The following FSTL5 variants were observed in gnomAD, a reference collection of about 807,000 sequenced individuals.
FSTL5 encodes follistatin like 5, also known as follistatin-related protein 5.
In FSTL5, 62 loss-of-function variants were observed where a neutral mutation model predicts 89.1. The observed-to-expected ratio is 0.70, with a 90% confidence interval of 0.57 to 0.86. The LOEUF (loss-of-function observed/expected upper bound fraction) is 0.86, where lower values mean the gene tolerates loss of function less well. Among genes scored for constraint, FSTL5 ranks in the 40% least tolerant of loss-of-function variants. The pLI is 0.00. For missense variants in FSTL5, 1,057 were observed against 1,001.6 expected (o/e 1.06, Z -0.75); for synonymous variants, 383 against 346.2 (o/e 1.11, Z -1.18).
At chr4:161,805,509 T>C (rs1729937632) in intron 4 of FSTL5, among the ~76,000 whole-genome samples, 1 of 152,026 alleles carries the variant, frequency 6.6e-6, no homozygotes. Context: ...GGTAACTGCA[T>C]TGATATAGAG....
chr4:161,778,352 T>C (rs1741496493), intron 4 of FSTL5, among the ~76,000 whole-genome samples: 1 of 152,194 alleles, frequency 6.6e-6, no homozygotes, highest in African/African-American at 2.4e-5. Flanking sequence ...TTATAACATA[T>C]TTTTAGGAAA....
At chr4:161,491,605 CTG>C (rs749280153) in intron 12 of FSTL5, among the ~76,000 whole-genome samples, 2 of 152,030 alleles carry the variant, frequency 1.3e-5, no homozygotes, top group East Asian at 3.9e-4. Context: ...CTTTGGGAAA[CTG>C]TGGTGGGCAA....
chr4:161,843,300 G>A (rs1402565649), intron 4 of FSTL5, among the ~76,000 whole-genome samples: 1 of 152,136 alleles, frequency 6.6e-6, no homozygotes, highest in African/African-American at 2.4e-5. Flanking sequence ...ATTATTTGAA[G>A]AAAGTCAATG....
intron 6 of FSTL5, among the ~76,000 whole-genome samples, chr4:161,757,092 T>C (rs1740595879): frequency 6.6e-6 from 1 of 152,156 alleles, no homozygotes; most frequent in Non-Finnish European, 1.5e-5. Flanking sequence ...ATAATGCAGT[T>C]GGGCCAGGTT....
At position 162,033,635 on chromosome 4, in the gene FSTL5, T is replaced by C; in HGVS notation, c.150A>G (p.Ser50=). 6.7e-7 allele frequency: 1 copy of C among 1,491,584 alleles called. No individual in the cohort carries two copies. The highest frequency in any genetic ancestry group is 9.2e-7 in the Non-Finnish European group (1 of 1,087,352). The allele number at this position is 1,491,584 out of a possible 1,614,324, so 92.4% of individuals were successfully genotyped here. The change falls in exon 3 of 16, where the codon TCA becomes TCG. Residue 50 remains serine (S), a synonymous_variant. Transcript: ENST00000306100. ...GCAATCATTTCTTACCTTTGACTCT[T>C]GAACTTTCTTGATTTTTTTCCTGCT... The part of the protein sequence containing the change: ...RHKQEKNQES[S]RVKGFMIQDG...
At chr4:161,766,236 G>A in intron 5 of FSTL5, among the ~76,000 whole-genome samples, 1 of 152,116 alleles carries the variant, frequency 6.6e-6, no homozygotes, top group East Asian at 1.9e-4. Flanking sequence ...AATTCTATGA[G>A]TGTTATTTTA....
intron 7 of FSTL5, among the ~76,000 whole-genome samples, chr4:161,604,836 C>T (rs1734381282): frequency 1.3e-5 from 2 of 152,164 alleles, no homozygotes; most frequent in African/African-American, 4.8e-5. Flanking sequence ...GAGGAAGTTG[C>T]ACACAGTGTG....
At chr4:161,583,751 C>A (rs1026429625) in intron 8 of FSTL5, among the ~76,000 whole-genome samples, 1 of 152,166 alleles carries the variant, frequency 6.6e-6, no homozygotes, top group Non-Finnish European at 1.5e-5. Context: ...CTTGACCTAA[C>A]TAGAAACATT....
intron 6 of FSTL5, among the ~76,000 whole-genome samples, chr4:161,712,958 T>A (rs1206551548): frequency 6.6e-6 from 1 of 152,202 alleles, no homozygotes; most frequent in East Asian, 1.9e-4. Flanking sequence ...GTCACGCTTA[T>A]TATACCGCCT....
At chr4:161,817,099 GA>G (rs987322501) in intron 4 of FSTL5, among the ~76,000 whole-genome samples, 11 of 152,208 alleles carry the variant, frequency 7.2e-5, no homozygotes, top group African/African-American at 2.6e-4. Context: ...AACTATCCAG[GA>G]TGATGCTACA....
At chr4:162,119,248 C>T (rs1323626503) in intron 1 of FSTL5, among the ~76,000 whole-genome samples, 1 of 149,956 alleles carries the variant, frequency 6.7e-6, no homozygotes, top group Non-Finnish European at 1.5e-5. Flanking sequence ...AAAAAAGGTG[C>T]ACACAATGAA....
chr4:161,609,185 C>A (rs767441569), intron 7 of FSTL5, among the ~76,000 whole-genome samples: 1 of 151,976 alleles, frequency 6.6e-6, no homozygotes, highest in African/African-American at 2.4e-5. Context: ...GTTCAATGGG[C>A]ATTTGAATAA....
intron 13 of FSTL5, among the ~76,000 whole-genome samples, chr4:161,462,849 G>A (rs1256449796): frequency 6.6e-6 from 1 of 151,892 alleles, no homozygotes. Flanking sequence ...AAATAAACCC[G>A]TTTCTGTCCT....
rs983312095 is a variant in FSTL5, at chr4:161,385,245, T to G, written c.*502A>C. On this transcript the variant is annotated 3_prime_UTR_variant, in exon 16 of 16. Transcript: ENST00000306100. ...ATGAGAGCATTTAGTATGCAGGCTTTAGTCTTCCTTTTCCTCCTGTGACAT... is the reference window on the plus strand; with the variant it reads ...ATGAGAGCATTTAGTATGCAGGCTTGAGTCTTCCTTTTCCTCCTGTGACAT... The G allele has an allele frequency of 5.2e-5, 8 of 154,334 alleles. No homozygotes were observed. The highest frequency in any genetic ancestry group is 3.2e-4 in the Admixed American group (5 of 15,576). The allele number at this position is 154,334 out of a possible 1,614,324, so 9.6% of individuals were successfully genotyped here. A position where few individuals can be genotyped will look rare whatever the true frequency, so the allele number is the denominator to read the frequency against.
At chr4:161,510,496 AAT>A (rs1480843686) in intron 10 of FSTL5, 72 bp from the exon 11 acceptor site, 1 of 834,908 alleles carries the variant, frequency 1.2e-6, no homozygotes, top group Non-Finnish European at 1.9e-6. Flanking sequence ...TGGTAATATA[AAT>A]ATTATTAAAG....
At chr4:161,419,286 T>C (rs1390932491) in intron 15 of FSTL5, among the ~76,000 whole-genome samples, 2 of 152,186 alleles carry the variant, frequency 1.3e-5, no homozygotes, top group African/African-American at 4.8e-5. Flanking sequence ...ATTTTTCTTC[T>C]GTCTAAACCA....
At chr4:161,823,077 A>G (rs1054179824) in intron 4 of FSTL5, among the ~76,000 whole-genome samples, 1 of 152,166 alleles carries the variant, frequency 6.6e-6, no homozygotes, top group Non-Finnish European at 1.5e-5. Context: ...TGGTCTCAGA[A>G]GGGAGGAAGT....
chr4:161,415,689 GAA>G (rs1041986466), intron 15 of FSTL5, among the ~76,000 whole-genome samples: 16 of 149,016 alleles, frequency 1.1e-4, no homozygotes, highest in Non-Finnish European at 2.4e-4. Flanking sequence ...GAAAGAGAGA[GAA>G]AGAGAGAGAG....
intron 2 of FSTL5, among the ~76,000 whole-genome samples, chr4:162,080,042 GA>G (rs1181303461): frequency 6.6e-6 from 1 of 151,392 alleles, no homozygotes; most frequent in Non-Finnish European, 1.5e-5. Flanking sequence ...CTTCAATCAG[GA>G]AAAGTGTATC....
Sources: allele counts gnomAD v4.1 joint callset (sites outside exome capture counted in the v4.1 genomes callset), GRCh38; gene constraint gnomAD v4.1.1; transcripts MANE v1.5; gene names NCBI Gene and HGNC (gene_info 2026-07-23, HGNC 2026-07-21).